The following CCDC171 variants were observed in gnomAD, a reference collection of about 807,000 sequenced individuals.
CCDC171 encodes coiled-coil domain containing 171.
A neutral mutation model predicts 168.2 loss-of-function variants in CCDC171; 177 were observed. The ratio of observed to expected loss-of-function variants is 1.05; its 90% CI spans 0.93 to 1.19. The LOEUF (loss-of-function observed/expected upper bound fraction) is 1.19, where lower values mean the gene tolerates loss of function less well. Ranked by LOEUF, CCDC171 falls within the 50% of genes most tolerant of loss-of-function variation. CCDC171 has a pLI of 0.00. For synonymous variants in CCDC171, 687 were observed against 540.8 expected (o/e 1.27, Z -3.75); for missense variants, 1,991 against 1,539.0 (o/e 1.29, Z -4.91).
the CCDC171 span, among the ~76,000 whole-genome samples, chr9:16,095,340 C>G: frequency 6.6e-6 from 1 of 152,146 alleles, no homozygotes; most frequent in Admixed American, 6.5e-5. Context: ...GTGGGTCAAA[C>G]TGCTCTGGGG....
Position 15,901,321 on chromosome 9 carries a change from C to T in CCDC171, c.3601-18949C>T, listed in dbSNP as rs746545854. On this transcript the variant is annotated intron_variant, in intron 24 of 25. Transcript: ENST00000380701. ...CCATAGAATGTCCAACACCAATAGC[C>T]GTAATGTAAACTGTGGATTTTGGGT... is the stretch of plus-strand genomic sequence containing the variant. Among the ~76,000 whole-genome samples the T allele has an allele frequency of 1.9e-4, 29 of 152,008 alleles. 1 individual carries two copies. The highest frequency in any genetic ancestry group is 3.9e-4 in the Admixed American group (6 of 15,260).
intron 11 of CCDC171, among the ~76,000 whole-genome samples, chr9:15,712,588 C>T (rs952004530): frequency 6.6e-6 from 1 of 152,100 alleles, no homozygotes. Context: ...TGGTCAGAAA[C>T]GTTATGGTTA....
chr9:15,593,716 A>C (rs1470486024), intron 5 of CCDC171, among the ~76,000 whole-genome samples: 2 of 152,004 alleles, frequency 1.3e-5, no homozygotes, highest in Non-Finnish European at 2.9e-5. Flanking sequence ...TCTGAAGTTA[A>C]CATTTTTCAG....
At chr9:15,947,278 T>C (rs1395569686) in intron 25 of CCDC171, among the ~76,000 whole-genome samples, 2 of 152,038 alleles carry the variant, frequency 1.3e-5, no homozygotes, top group Middle Eastern at 3.2e-3. Context: ...AATTTATGGA[T>C]AAAAGCTTAT....
At chr9:15,759,928 C>T (rs148838154) in intron 18 of CCDC171, among the ~76,000 whole-genome samples, 2 of 152,150 alleles carry the variant, frequency 1.3e-5, no homozygotes, top group African/African-American at 4.8e-5. Flanking sequence ...ATCAGTTTAG[C>T]TTTGATTTGT....
the CCDC171 span, among the ~76,000 whole-genome samples, chr9:16,078,458 C>A: frequency 6.6e-6 from 1 of 152,168 alleles, no homozygotes; most frequent in Non-Finnish European, 1.5e-5. Flanking sequence ...AAAAAACGTT[C>A]TGAGCACTTT....
At position 15,678,804 on chromosome 9, in the gene CCDC171, A is replaced by C. The variant is rs1169003142; in HGVS notation, c.1123A>C (p.Ile375Leu). The C allele has an allele frequency of 1.9e-6, 3 of 1,595,076 alleles. No individual in the cohort carries two copies. The highest frequency in any genetic ancestry group is 2.6e-6 in the Non-Finnish European group (3 of 1,172,348). Reference sequence around the variant, plus strand: ...CAAAAATAAGAAACTAAATGAAGACATCGAGGAACAGAAGAAAGTAATTAT... The same window carrying C: ...CAAAAATAAGAAACTAAATGAAGACCTCGAGGAACAGAAGAAAGTAATTAT... ...FSKNKKLNED[I>L]EEQKKVIIDL... Residue 375 changes from isoleucine (I) to leucine (L), a missense_variant, in exon 10 of 26, where the codon ATC becomes CTC. By Grantham distance (5) the Ile-to-Leu change is conservative. Coordinates refer to ENST00000380701, the MANE Select transcript of CCDC171 (RefSeq NM_173550.4).
chr9:15,721,666 G>A lies in CCDC171; in HGVS notation c.1319-103G>A, dbSNP rs180897197. The A allele has an allele frequency of 1.1e-5, 5 of 463,578 alleles. No individual in the cohort carries two copies. The East Asian group carries it at 1.4e-4, about 13-fold the overall frequency. The allele number at this position is 463,578 out of a possible 1,614,324, so 28.7% of individuals were successfully genotyped here. A position where few individuals can be genotyped will look rare whatever the true frequency, so the allele number is the denominator to read the frequency against. ...GGCCAAGTATTAATAGTTTCATAAC[G>A]TCTTTTCAGCTCTACCTAATTGTAG... On this transcript the variant is annotated intron_variant, in intron 11 of 25. Transcript: ENST00000380701.
chr9:15,875,704 G>T (rs1281813671), intron 24 of CCDC171: 2 of 151,814 alleles, frequency 1.3e-5, no homozygotes, highest in Admixed American at 1.3e-4. Flanking sequence ...GTGGAGCAAT[G>T]TTAATTTTTT....
At chr9:16,030,007 A>T (rs1192163019) in intron 6 of CCDC171, among the ~76,000 whole-genome samples, 3 of 152,182 alleles carry the variant, frequency 2.0e-5, no homozygotes, top group African/African-American at 4.8e-5. Flanking sequence ...TTCCTCATTG[A>T]TAGCACCTTT....
chr9:15,573,102 G>C (rs2040362814), intron 3 of CCDC171, among the ~76,000 whole-genome samples: 1 of 152,174 alleles, frequency 6.6e-6, no homozygotes, highest in Non-Finnish European at 1.5e-5. Context: ...GAAGGTTGCA[G>C]TGAGCTGAGA....
chr9:15,990,831 G>A (rs1015536984), intron 3 of CCDC171, among the ~76,000 whole-genome samples: 41 of 152,156 alleles, frequency 2.7e-4, no homozygotes, highest in African/African-American at 5.8e-4. Context: ...GACAAAGAAG[G>A]CCATTACATA....
chr9:15,699,573 C>T (rs192375884), intron 11 of CCDC171, among the ~76,000 whole-genome samples: 16 of 152,184 alleles, frequency 1.1e-4, no homozygotes, highest in African/African-American at 2.6e-4. Flanking sequence ...CAAAGGTTCT[C>T]CACGTCCCCA....
chr9:15,592,029 C>T (rs1014059548), intron 5 of CCDC171, among the ~76,000 whole-genome samples: 1 of 151,696 alleles, frequency 6.6e-6, no homozygotes, highest in African/African-American at 2.4e-5. Flanking sequence ...GCTATTTATT[C>T]CCTCATTTTT....
chr9:15,597,193 G>A (rs556256444), intron 6 of CCDC171, among the ~76,000 whole-genome samples: 145 of 152,194 alleles, frequency 9.5e-4, no homozygotes, highest in African/African-American at 3.2e-3. Context: ...TTGAATGGGA[G>A]TAGTGAGAGG....
At chr9:15,987,751 T>C (rs191739520) in intron 3 of CCDC171, among the ~76,000 whole-genome samples, 46 of 152,222 alleles carry the variant, frequency 3.0e-4, no homozygotes, top group Non-Finnish European at 6.0e-4. Context: ...TGTTTTAGAT[T>C]TGGGATTTTT....
downstream of CCDC171, among the ~76,000 whole-genome samples, chr9:15,977,723 G>A (rs150578051): frequency 5.3e-5 from 8 of 152,264 alleles, no homozygotes; most frequent in East Asian, 7.7e-4. Flanking sequence ...AGGAAACTAC[G>A]TAAAATAGGA....
At chr9:15,703,088 T>C (rs545625927) in intron 11 of CCDC171, among the ~76,000 whole-genome samples, 4 of 152,240 alleles carry the variant, frequency 2.6e-5, no homozygotes, top group African/African-American at 9.6e-5. Flanking sequence ...TAATTTTTAG[T>C]AGAGACGGGG....
At chr9:15,999,856 G>C (rs1284335001) in intron 3 of CCDC171, among the ~76,000 whole-genome samples, 7 of 152,118 alleles carry the variant, frequency 4.6e-5, no homozygotes, top group Admixed American at 3.3e-4. Context: ...CATGTCCCCA[G>C]GCTCCTATGA....
Sources: allele counts gnomAD v4.1 joint callset (sites outside exome capture counted in the v4.1 genomes callset), GRCh38; gene constraint gnomAD v4.1.1; transcripts MANE v1.5; gene names NCBI Gene and HGNC (gene_info 2026-07-23, HGNC 2026-07-21).